Variants in LY96 observed in about 807,000 individuals in gnomAD.
The protein encoded by LY96 is myeloid differentiation protein-2.
In LY96, 18 loss-of-function variants were observed where a neutral mutation model predicts 18.9. That is an observed-to-expected ratio of 0.95 (90% CI 0.66 to 1.41). LY96 has a LOEUF of 1.41. Ranked by LOEUF, LY96 falls within the 40% of genes most tolerant of loss-of-function variation. The probability of loss-of-function intolerance (pLI) is 0.00; values close to 1 mark genes in which losing one functional copy is unlikely to be tolerated. For missense variants in LY96, 175 were observed against 182.4 expected (o/e 0.96, Z 0.23); for synonymous variants, 66 against 62.6 (o/e 1.06, Z -0.26).
At chr8:74,034,126 A>G in the LY96 span, among the ~76,000 whole-genome samples, 1 of 152,226 alleles carries the variant, frequency 6.6e-6, no homozygotes, top group Non-Finnish European at 1.5e-5. Context: ...TAATCCCAGC[A>G]CTTTGGGAGG....
chr8:74,064,743 G>A, the LY96 span, among the ~76,000 whole-genome samples: 2 of 152,112 alleles, frequency 1.3e-5, no homozygotes, highest in African/African-American at 4.8e-5. Context: ...TTCCTTTATA[G>A]CAATACAAAT....
the LY96 span, among the ~76,000 whole-genome samples, chr8:74,037,455 C>T: frequency 5.3e-3 from 802 of 151,844 alleles, 4 homozygotes; most frequent in African/African-American, 0.019. Context: ...ACTGTGAGAC[C>T]CTGTCTGTAC....
chr8:74,044,703 A>G, the LY96 span, among the ~76,000 whole-genome samples: 2,029 of 152,320 alleles, frequency 0.013, 29 homozygotes, highest in East Asian at 0.039. Context: ...TTCTCCTTCA[A>G]AAATTCAAAG....
At chr8:74,038,684 A>G in the LY96 span, among the ~76,000 whole-genome samples, 2 of 152,160 alleles carry the variant, frequency 1.3e-5, no homozygotes, top group Non-Finnish European at 2.9e-5. Flanking sequence ...GAGCCAGTGC[A>G]CCCAGACTCT....
the LY96 span, among the ~76,000 whole-genome samples, chr8:74,078,808 A>C: frequency 6.6e-6 from 1 of 152,200 alleles, no homozygotes; most frequent in Non-Finnish European, 1.5e-5. Context: ...AAAAGAAAAA[A>C]ATTAAAAAAA....
the LY96 span, among the ~76,000 whole-genome samples, chr8:74,089,776 C>T: frequency 2.0e-5 from 3 of 151,912 alleles, no homozygotes; most frequent in South Asian, 2.1e-4. Flanking sequence ...GGAATGCCAT[C>T]GTAAGGAGTG....
At chr8:74,049,436 G>A in the LY96 span, among the ~76,000 whole-genome samples, 4 of 152,240 alleles carry the variant, frequency 2.6e-5, no homozygotes, top group Admixed American at 6.5e-5. Context: ...ACATTTTCAC[G>A]TCTTTATTTA....
the LY96 span, among the ~76,000 whole-genome samples, chr8:74,053,502 C>T: frequency 6.6e-6 from 1 of 152,208 alleles, no homozygotes; most frequent in African/African-American, 2.4e-5. Context: ...CCTGCAACTT[C>T]AGCCTCATTC....
At chr8:74,068,516 T>C in the LY96 span, among the ~76,000 whole-genome samples, 1 of 152,210 alleles carries the variant, frequency 6.6e-6, no homozygotes, top group Non-Finnish European at 1.5e-5. Context: ...TTAATATATA[T>C]TTAACTCTGG....
the LY96 span, among the ~76,000 whole-genome samples, chr8:74,094,168 G>A: frequency 6.6e-6 from 1 of 151,946 alleles, no homozygotes. Context: ...TTGTGGGTGG[G>A]GTGTGGGTGT....
At chr8:74,058,111 C>T in the LY96 span, among the ~76,000 whole-genome samples, 1 of 151,926 alleles carries the variant, frequency 6.6e-6, no homozygotes, top group Non-Finnish European at 1.5e-5. Flanking sequence ...TCCTATGACT[C>T]TAGCATATTA....
chr8:74,031,475 A>T (rs1448974181), downstream of LY96, among the ~76,000 whole-genome samples: 2 of 151,880 alleles, frequency 1.3e-5, no homozygotes, highest in African/African-American at 4.8e-5. Flanking sequence ...AAAATACAAA[A>T]ATTAGCCGGG....
At chr8:74,026,944 T>C (rs1023453770) in intron 4 of LY96, 103 bp downstream of exon 4, 9 of 666,078 alleles carry the variant, frequency 1.4e-5, no homozygotes, top group East Asian at 2.8e-5. Flanking sequence ...TTCTTTCTTT[T>C]TTTTTTTTAA....
At chr8:74,088,460 C>T in the LY96 span, among the ~76,000 whole-genome samples, 4 of 152,160 alleles carry the variant, frequency 2.6e-5, no homozygotes, top group East Asian at 5.8e-4. Flanking sequence ...CCGCTCTGCT[C>T]CCTCCTTTGC....
At chr8:74,007,281 C>A (rs916097777) in intron 2 of LY96, among the ~76,000 whole-genome samples, 3 of 152,196 alleles carry the variant, frequency 2.0e-5, no homozygotes, top group Non-Finnish European at 2.9e-5. Context: ...CTGCCAGCTA[C>A]TCTTCTCACA....
intron 1 of LY96, among the ~76,000 whole-genome samples, chr8:73,998,171 G>A (rs1315300680): frequency 6.6e-6 from 1 of 152,118 alleles, no homozygotes; most frequent in Admixed American, 6.5e-5. Flanking sequence ...GACAGTCTAA[G>A]GAACTAGAAG....
At chr8:74,076,877 A>G in the LY96 span, among the ~76,000 whole-genome samples, 9 of 152,198 alleles carry the variant, frequency 5.9e-5, no homozygotes, top group Non-Finnish European at 7.3e-5. Context: ...ATCAGATCCC[A>G]TAAGTTAAAG....
the LY96 span, among the ~76,000 whole-genome samples, chr8:74,095,859 A>G: frequency 1.2e-3 from 183 of 152,230 alleles, 2 homozygotes; most frequent in South Asian, 0.037. Flanking sequence ...CCTCCAGCCC[A>G]CACCTGTCCC....
chr8:74,037,138 C>G, the LY96 span, among the ~76,000 whole-genome samples: 3 of 152,028 alleles, frequency 2.0e-5, no homozygotes, highest in Non-Finnish European at 4.4e-5. Context: ...GAAGTATTCC[C>G]AGGGTATGGT....
Sources: allele counts gnomAD v4.1 joint callset (sites outside exome capture counted in the v4.1 genomes callset), GRCh38; gene constraint gnomAD v4.1.1; transcripts MANE v1.5; gene names NCBI Gene and HGNC (gene_info 2026-07-23, HGNC 2026-07-21).